Variants in CNTNAP2 observed in about 807,000 individuals in gnomAD.
CNTNAP2 encodes contactin associated protein 2.
Under a neutral mutation model 155.2 loss-of-function variants are expected in CNTNAP2, and 98 were observed. That is an observed-to-expected ratio of 0.63 (90% CI 0.54 to 0.75). The LOEUF is 0.75. CNTNAP2 is among the 30% of genes least tolerant of loss of function. CNTNAP2 has a pLI of 0.00. For missense variants in CNTNAP2, 1,727 were observed against 1,688.1 expected, an observed-to-expected ratio of 1.02 and a Z score of -0.40; for synonymous variants, 651 against 631.2, an observed-to-expected ratio of 1.03 and a Z score of -0.47.
chr7:147,016,966 A>AT (rs1798735565), intron 3 of CNTNAP2, among the ~76,000 whole-genome samples: 1 of 151,710 alleles, frequency 6.6e-6, no homozygotes, highest in South Asian at 2.1e-4. Flanking sequence ...GAGATTGATG[A>AT]TTTGGGATGC....
At position 147,623,833 on chromosome 7, in the gene CNTNAP2, C is replaced by G. The variant is rs188627344; in HGVS notation, c.1898-15273C>G. On this transcript the variant is annotated intron_variant, in intron 12 of 23. Coordinates refer to ENST00000361727, the MANE Select transcript of CNTNAP2 (RefSeq NM_014141.6). ...TCTATCCTGAACAAAAAGAACAAAA[C>G]TGGAGGAATCACATTACCTAACTTC... 2.0e-3 allele frequency among the ~76,000 whole-genome samples: 303 copies of G among 152,004 alleles called. 3 individuals carry two copies. Among genetic ancestry groups the G allele is most frequent in the Non-Finnish European group, 2.2e-3 (150 of 67,920 alleles).
At chr7:146,247,920 A>G (rs1361975214) in intron 1 of CNTNAP2, among the ~76,000 whole-genome samples, 1 of 151,840 alleles carries the variant, frequency 6.6e-6, no homozygotes, top group African/African-American at 2.4e-5. Context: ...AAAAGCAGAG[A>G]AGGGGTTGGG....
At chr7:147,886,683 A>AG (rs1469847539) in intron 13 of CNTNAP2, among the ~76,000 whole-genome samples, 1 of 152,002 alleles carries the variant, frequency 6.6e-6, no homozygotes, top group Non-Finnish European at 1.5e-5. Context: ...ATGGGACCTG[A>AG]GGCACTACAT....
chr7:147,132,040 T>A (rs544295082), intron 7 of CNTNAP2, among the ~76,000 whole-genome samples: 17 of 152,256 alleles, frequency 1.1e-4, no homozygotes, highest in African/African-American at 3.8e-4. Context: ...GACAGCCAAC[T>A]GCTGCTCAGT....
chr7:148,272,196 A>G (rs1057183908), intron 21 of CNTNAP2, among the ~76,000 whole-genome samples: 2 of 152,218 alleles, frequency 1.3e-5, no homozygotes, highest in Admixed American at 1.3e-4. Flanking sequence ...GGATTCTTAC[A>G]TAATTCTGAA....
At chr7:148,157,864 T>A (rs562099140) in intron 17 of CNTNAP2, among the ~76,000 whole-genome samples, 1 of 152,212 alleles carries the variant, frequency 6.6e-6, no homozygotes, top group Non-Finnish European at 1.5e-5. Flanking sequence ...GCAAAAAAAA[T>A]TACTACATTG....
chr7:146,569,397 T>A (rs1798407496), intron 1 of CNTNAP2, among the ~76,000 whole-genome samples: 1 of 152,220 alleles, frequency 6.6e-6, no homozygotes, highest in Non-Finnish European at 1.5e-5. Flanking sequence ...ATCTTTCTGT[T>A]TATTCCATGC....
chr7:147,098,697 T>A (rs1584841587), intron 4 of CNTNAP2, among the ~76,000 whole-genome samples: 1 of 152,260 alleles, frequency 6.6e-6, no homozygotes, highest in East Asian at 1.9e-4. Flanking sequence ...CTGTACTGAG[T>A]GTTTTCTAAT....
At position 148,365,908 on chromosome 7, in the gene CNTNAP2, G is replaced by GTA. The variant is rs779978766; in HGVS notation, c.3476-17741_3476-17740insTA. The stretch of plus-strand genomic sequence containing the variant: ...CATGTATGTGTATGCATGTATACAT[G>GTA]CGTGTATGCATGTATACATGCGTGT... On this transcript the variant is annotated intron_variant, in intron 21 of 23. Coordinates refer to ENST00000361727, the MANE Select transcript of CNTNAP2 (RefSeq NM_014141.6). Among the ~76,000 whole-genome samples, 4 of 3,626 alleles carry GTA rather than the reference G, an allele frequency of 1.1e-3. 2 individuals carry two copies. Among genetic ancestry groups the GTA allele is most frequent in the Non-Finnish European group, 4.4e-3 (4 of 918 alleles). 2.4% of individuals were successfully genotyped at this position (3,626 alleles called of 152,430 possible).
At chr7:146,912,633 G>C (rs1796307151) in intron 3 of CNTNAP2, among the ~76,000 whole-genome samples, 1 of 152,024 alleles carries the variant, frequency 6.6e-6, no homozygotes, top group South Asian at 2.1e-4. Flanking sequence ...CCTCAAGAAA[G>C]AGTCCTTATT....
At chr7:147,278,127 CAA>C (rs58102021) in intron 8 of CNTNAP2, among the ~76,000 whole-genome samples, 53,615 of 138,430 alleles carry the variant, frequency 0.39, 10,038 homozygotes, top group African/African-American at 0.45. Flanking sequence ...GGAAACCATG[CAA>C]AAAAAAAAAA....
intron 10 of CNTNAP2, among the ~76,000 whole-genome samples, chr7:147,482,720 CAATA>C (rs71527814): frequency 0.2 from 27,859 of 138,060 alleles, 3,391 homozygotes; most frequent in Non-Finnish European, 0.27. Flanking sequence ...GATTCCGTCT[CAATA>C]AATAAATAAA....
chr7:146,175,777 A>G (rs1004750359), intron 1 of CNTNAP2, among the ~76,000 whole-genome samples: 2 of 152,070 alleles, frequency 1.3e-5, no homozygotes, highest in African/African-American at 4.8e-5. Context: ...TTCCTCTATA[A>G]TATTACAATT....
intron 19 of CNTNAP2, among the ~76,000 whole-genome samples, chr7:148,222,083 A>G (rs1166929663): frequency 1.3e-5 from 2 of 152,134 alleles, no homozygotes; most frequent in African/African-American, 4.8e-5. Flanking sequence ...CTGGTACCCC[A>G]TCACCCATCT....
chr7:146,602,117 T>G (rs2129151953), intron 1 of CNTNAP2, among the ~76,000 whole-genome samples: 1 of 152,242 alleles, frequency 6.6e-6, no homozygotes, highest in African/African-American at 2.4e-5. Flanking sequence ...TGTGGAAACC[T>G]GAGGATGTCA....
At chr7:146,374,918 C>T (rs182170748) in intron 1 of CNTNAP2, among the ~76,000 whole-genome samples, 8 of 152,178 alleles carry the variant, frequency 5.3e-5, no homozygotes, top group Non-Finnish European at 8.8e-5. Context: ...CAGATATTTA[C>T]GCTGATATGC....
At chr7:146,766,268 A>G (rs772952669) in intron 1 of CNTNAP2, among the ~76,000 whole-genome samples, 66 of 152,290 alleles carry the variant, frequency 4.3e-4, no homozygotes, top group Middle Eastern at 3.4e-3. Flanking sequence ...ATTGCTGATT[A>G]TATATGGGTT....
intron 13 of CNTNAP2, among the ~76,000 whole-genome samples, chr7:147,898,890 C>A (rs1799815955): frequency 6.6e-6 from 1 of 152,204 alleles, no homozygotes. Flanking sequence ...ACTCATTCCC[C>A]AGCTTCTGGC....
intron 1 of CNTNAP2, among the ~76,000 whole-genome samples, chr7:146,553,438 A>G (rs1798150371): frequency 6.6e-6 from 1 of 151,972 alleles, no homozygotes; most frequent in Non-Finnish European, 1.5e-5. Context: ...CTTGATGTTT[A>G]GTGTTAGATA....
Sources: gnomAD v4.1 joint callset for allele counts (sites outside exome capture counted in the v4.1 genomes callset) on GRCh38, gnomAD v4.1.1 for gene constraint, MANE v1.5 for transcripts, NCBI Gene and HGNC (gene_info 2026-07-23, HGNC 2026-07-21) for gene names.